SHANK2: variants seen among roughly 807,000 people sequenced by gnomAD.
The protein encoded by SHANK2 is SH3 and multiple ankyrin repeat domains 2.
A neutral mutation model predicts 133.7 loss-of-function variants in SHANK2; 43 were observed. The ratio of observed to expected loss-of-function variants is 0.32; its 90% CI spans 0.25 to 0.41. The LOEUF (loss-of-function observed/expected upper bound fraction) is 0.41, where lower values mean the gene tolerates loss of function less well. Ranked by LOEUF, SHANK2 falls within the 10% of genes least tolerant of loss-of-function variation. The probability of loss-of-function intolerance (pLI) is 1.00; values close to 1 mark genes in which losing one functional copy is unlikely to be tolerated. For synonymous variants in SHANK2, 1,017 were observed against 952.8 expected (o/e 1.07, Z -1.24); for missense variants, 1,994 against 2,235.8 (o/e 0.89, Z 2.18).
intron 4 of SHANK2, among the ~76,000 whole-genome samples, chr11:71,117,806 T>A (rs1952006977): frequency 6.6e-6 from 1 of 152,166 alleles, no homozygotes; most frequent in African/African-American, 2.4e-5. Context: ...GTACACTTTG[T>A]AATAAGCCAG....
In SHANK2 at chr11:70,938,990, G is replaced by A. The variant is rs184294350; in HGVS notation, c.1108-42423C>T. ...AGAGAAGCTGGTGGCTAATCCAGGAGAGACACTAGGGCGCCGGAACTATGG... is the reference window on the plus strand; with the variant it reads ...AGAGAAGCTGGTGGCTAATCCAGGAAAGACACTAGGGCGCCGGAACTATGG... On this transcript the variant is annotated intron_variant, in intron 10 of 25. Transcript: ENST00000601538. Among the ~76,000 whole-genome samples, 170 of 152,286 alleles carry A rather than the reference G, an allele frequency of 1.1e-3. 3 individuals are homozygous for A. The highest frequency in any genetic ancestry group is 4.0e-3 in the African/African-American group (166 of 41,546).
intron 11 of SHANK2, among the ~76,000 whole-genome samples, chr11:70,837,929 G>A (rs1948844609): frequency 7.0e-6 from 1 of 141,976 alleles, no homozygotes; most frequent in Non-Finnish European, 1.5e-5. Context: ...AGCCAAGATG[G>A]TGCCATTGCA....
chr11:70,592,030 C>T (rs2136274871), intron 17 of SHANK2, among the ~76,000 whole-genome samples: 1 of 148,616 alleles, frequency 6.7e-6, no homozygotes, highest in East Asian at 2.0e-4. Flanking sequence ...GAGACTCCGT[C>T]TAAAAAAAAA....
intron 11 of SHANK2, among the ~76,000 whole-genome samples, chr11:70,888,659 A>G (rs1555074026): frequency 6.6e-6 from 1 of 152,078 alleles, no homozygotes; most frequent in African/African-American, 2.4e-5. Flanking sequence ...TCTACTAAAA[A>G]TACAAAAATT....
chr11:71,207,983 G>A (rs1439850261), intron 2 of SHANK2, among the ~76,000 whole-genome samples: 2 of 151,990 alleles, frequency 1.3e-5, no homozygotes, highest in Non-Finnish European at 2.9e-5. Context: ...AAGAAAGATT[G>A]GTGTCCGAGA....
intron 6 of SHANK2, among the ~76,000 whole-genome samples, chr11:71,098,006 GC>G (rs559579982): frequency 9.7e-4 from 146 of 150,526 alleles, no homozygotes; most frequent in African/African-American, 3.5e-3. Context: ...GCCTGTGTGT[GC>G]ATGTGTGCCT....
At chr11:70,526,231 T>C (rs1158142806) in intron 17 of SHANK2, among the ~76,000 whole-genome samples, 1 of 152,206 alleles carries the variant, frequency 6.6e-6, no homozygotes, top group African/African-American at 2.4e-5. Context: ...GGCCTTGGGA[T>C]AAGCAACATT....
intron 17 of SHANK2, among the ~76,000 whole-genome samples, chr11:70,520,462 G>A (rs757129357): frequency 2.0e-5 from 3 of 152,138 alleles, no homozygotes; most frequent in South Asian, 2.1e-4. Context: ...GTATATATGG[G>A]TGTTCAGGAG....
intron 15 of SHANK2, among the ~76,000 whole-genome samples, chr11:70,680,535 A>G (rs1555018160): frequency 6.6e-6 from 1 of 152,094 alleles, no homozygotes; most frequent in African/African-American, 2.4e-5. Flanking sequence ...CCCTCTGATG[A>G]GGATCCCTGT....
chr11:70,830,050 C>T lies in SHANK2; in HGVS notation c.1175-9368G>A, dbSNP rs1948703959. ...TCCTTCCCCCACACCCACCACTTGC[C>T]CCCTTCCCTGGTGGGTGCAGACCAC... On this transcript the variant is annotated intron_variant, in intron 11 of 25. Coordinates refer to ENST00000601538, the MANE Select transcript of SHANK2 (RefSeq NM_012309.5). The surrounding 1 kb of genome is among the most constrained non-coding windows in gnomAD (Gnocchi z 4.4). 6.6e-6 allele frequency among the ~76,000 whole-genome samples: 1 copy of T among 152,214 alleles called. No homozygotes were observed. The highest frequency in any genetic ancestry group is 1.5e-5 in the Non-Finnish European group (1 of 68,042).
At chr11:70,788,405 T>C (rs1947715481) in intron 14 of SHANK2, among the ~76,000 whole-genome samples, 1 of 152,070 alleles carries the variant, frequency 6.6e-6, no homozygotes, top group African/African-American at 2.4e-5. Context: ...AGTTGAAAAG[T>C]TTTCAATTGC....
chr11:70,949,342 C>T (rs1299801618), intron 10 of SHANK2, among the ~76,000 whole-genome samples: 1 of 152,192 alleles, frequency 6.6e-6, no homozygotes, highest in Non-Finnish European at 1.5e-5. Context: ...TGGCATGCTG[C>T]CCGGCAAGCA....
chr11:70,919,710 C>T (rs1322095839), intron 10 of SHANK2, among the ~76,000 whole-genome samples: 5 of 152,154 alleles, frequency 3.3e-5, no homozygotes, highest in Non-Finnish European at 5.9e-5. Context: ...CCTATCTCAG[C>T]GAAATTGTGT....
At chr11:70,591,782 C>T (rs1554988098) in intron 17 of SHANK2, among the ~76,000 whole-genome samples, 1 of 151,986 alleles carries the variant, frequency 6.6e-6, no homozygotes, top group Non-Finnish European at 1.5e-5. Flanking sequence ...TTTGGGAGGC[C>T]AAGGAGGGTG....
chr11:70,504,612 TAG>T (rs1719722183), intron 17 of SHANK2, among the ~76,000 whole-genome samples: 1 of 152,168 alleles, frequency 6.6e-6, no homozygotes, highest in African/African-American at 2.4e-5. Context: ...GCCCTGAAGA[TAG>T]AGTCTTGGGA....
In SHANK2 at chr11:70,485,293, G is replaced by T. The variant is rs377502832; in HGVS notation, c.4979+21C>A. On this transcript the variant is annotated intron_variant, in intron 25 of 25. Coordinates refer to ENST00000601538, the MANE Select transcript of SHANK2 (RefSeq NM_012309.5). This position sits in a 1 kb window ranked among gnomAD's most constrained non-coding sequence, Gnocchi z 5.8. ...ACAGTGCACGCAGAGCGGTGTGCAT[G>T]TGCACCAACCGCGGACTTACCTTGG... The T allele has an allele frequency of 2.5e-6, 4 of 1,601,940 alleles. No homozygotes were observed. The highest frequency in any genetic ancestry group is 3.4e-6 in the Non-Finnish European group (4 of 1,170,182).
At chr11:70,662,982 C>T (rs917041445) in intron 15 of SHANK2, among the ~76,000 whole-genome samples, 4 of 152,054 alleles carry the variant, frequency 2.6e-5, no homozygotes, top group Non-Finnish European at 5.9e-5. Context: ...GCTGGGAAGG[C>T]CTCTGTGGAG....
intron 17 of SHANK2, among the ~76,000 whole-genome samples, chr11:70,546,232 C>T (rs2059695002): frequency 6.6e-6 from 1 of 151,792 alleles, no homozygotes; most frequent in Non-Finnish European, 1.5e-5. Context: ...AACCACTGCG[C>T]CCAGAGTTTT....
chr11:70,717,825 AG>A (rs1304059593), intron 14 of SHANK2, among the ~76,000 whole-genome samples: 1 of 151,536 alleles, frequency 6.6e-6, no homozygotes, highest in Admixed American at 6.6e-5. Flanking sequence ...AAAAAAAAAA[AG>A]TTGCAGCCCT....
Sources: gnomAD v4.1 joint callset for allele counts (sites outside exome capture counted in the v4.1 genomes callset) on GRCh38, gnomAD v4.1.1 for gene constraint, Gnocchi (gnomAD v3.1) non-coding constraint, MANE v1.5 for transcripts, NCBI Gene and HGNC (gene_info 2026-07-23, HGNC 2026-07-21) for gene names.